The following ARMH3 variants were observed in gnomAD, a reference collection of about 807,000 sequenced individuals.
The protein encoded by ARMH3 is armadillo-like helical domain-containing protein 3.
ARMH3 carries 60 observed loss-of-function variants against 99.1 expected under a neutral mutation model. The observed-to-expected ratio is 0.61, with a 90% confidence interval of 0.49 to 0.75. ARMH3 has a LOEUF of 0.75. Among genes scored for constraint, ARMH3 ranks in the 30% least tolerant of loss-of-function variants. The pLI, the probability that ARMH3 is intolerant of heterozygous loss-of-function variation, is 0.00. For missense variants in ARMH3, 679 were observed against 843.1 expected (o/e 0.81, Z 2.41); for synonymous variants, 285 against 292.8 (o/e 0.97, Z 0.27).
chr10:101,860,709 C>G (rs2066846820), intron 24 of ARMH3, among the ~76,000 whole-genome samples: 1 of 152,126 alleles, frequency 6.6e-6, no homozygotes, highest in Non-Finnish European at 1.5e-5. Context: ...TCACAGAGGG[C>G]TGGGAGATGT....
At chr10:101,928,902 C>T (rs1280515803) in intron 23 of ARMH3, among the ~76,000 whole-genome samples, 3 of 151,914 alleles carry the variant, frequency 2.0e-5, no homozygotes, top group Admixed American at 1.3e-4. Flanking sequence ...GGCTAATTTT[C>T]GTATTTTTAG....
At chr10:101,912,249 C>T (rs1000060749) in intron 23 of ARMH3, among the ~76,000 whole-genome samples, 13 of 151,180 alleles carry the variant, frequency 8.6e-5, no homozygotes, top group African/African-American at 9.7e-5. Flanking sequence ...AAAAATTAGC[C>T]GGGTGTGGTG....
intron 20 of ARMH3, among the ~76,000 whole-genome samples, chr10:101,961,240 C>T (rs932004690): frequency 6.6e-6 from 1 of 152,158 alleles, no homozygotes; most frequent in Non-Finnish European, 1.5e-5. Flanking sequence ...CCTTGGCCTG[C>T]TCTCTGCTGT....
chr10:101,990,707 ACACT>A, intron 18 of ARMH3, 96 bp from the exon 19 acceptor site: 1 of 889,440 alleles, frequency 1.1e-6, no homozygotes, highest in Non-Finnish European at 1.9e-6. Context: ...CCTTGCACTC[ACACT>A]GAACGGCATC....
chr10:101,913,354 TCTCTCTC>T (rs1262184531), intron 23 of ARMH3: 2 of 118,322 alleles, frequency 1.7e-5, no homozygotes, highest in East Asian at 3.5e-4. Flanking sequence ...TCTCTCTCTC[TCTCTCTC>T]TTTTTTTTTT....
chr10:102,053,967 C>T (rs1273102556), intron 1 of ARMH3, among the ~76,000 whole-genome samples: 1 of 152,174 alleles, frequency 6.6e-6, no homozygotes, highest in African/African-American at 2.4e-5. Flanking sequence ...ACAGTTCACC[C>T]TTATATATCC....
At chr10:101,963,087 A>G (rs1210554188) in intron 20 of ARMH3, among the ~76,000 whole-genome samples, 1 of 149,312 alleles carries the variant, frequency 6.7e-6, no homozygotes, top group Non-Finnish European at 1.5e-5. Flanking sequence ...CTCCTGCCTT[A>G]GCCTCCCAAG....
intron 1 of ARMH3, among the ~76,000 whole-genome samples, chr10:102,046,704 G>A (rs1362739029): frequency 1.3e-5 from 2 of 152,108 alleles, no homozygotes; most frequent in African/African-American, 2.4e-5. Context: ...TGAGTGTAGG[G>A]ACTCAAACCC....
At chr10:101,917,498 G>A (rs554450529) in intron 23 of ARMH3, among the ~76,000 whole-genome samples, 20 of 152,180 alleles carry the variant, frequency 1.3e-4, no homozygotes, top group African/African-American at 1.9e-4. Flanking sequence ...CTGTTCCGCC[G>A]TTGAGAGACA....
chr10:101,946,071 CAAAAA>C (rs569179050), intron 22 of ARMH3, among the ~76,000 whole-genome samples: 42 of 34,450 alleles, frequency 1.2e-3, no homozygotes, highest in African/African-American at 8.2e-3. Flanking sequence ...GACTCTGCCT[CAAAAA>C]AAAAAAAAAA....
At chr10:101,871,291 T>TC (rs1470578161) in intron 24 of ARMH3, among the ~76,000 whole-genome samples, 1 of 152,194 alleles carries the variant, frequency 6.6e-6, no homozygotes, top group Admixed American at 6.5e-5. Flanking sequence ...GTTAATGCAA[T>TC]TCTAATCAAA....
intron 15 of ARMH3, among the ~76,000 whole-genome samples, chr10:102,000,964 A>T (rs574763392): frequency 1.3e-5 from 2 of 152,054 alleles, no homozygotes; most frequent in East Asian, 3.9e-4. Flanking sequence ...TTACAGGCAC[A>T]TGCCACCACG....
intron 1 of ARMH3, among the ~76,000 whole-genome samples, chr10:102,053,629 G>A (rs2067763938): frequency 6.6e-6 from 1 of 151,594 alleles, no homozygotes; most frequent in Admixed American, 6.6e-5. Context: ...ACTCTCCCAA[G>A]CAATGGCAGT....
chr10:101,857,594 T>C (rs1240248456), intron 24 of ARMH3, among the ~76,000 whole-genome samples: 2 of 152,180 alleles, frequency 1.3e-5, no homozygotes, highest in Non-Finnish European at 2.9e-5. Flanking sequence ...CCTGGAGAAA[T>C]AATATCACAA....
chr10:102,019,935 A>T (rs2066841720), intron 8 of ARMH3, among the ~76,000 whole-genome samples: 1 of 151,676 alleles, frequency 6.6e-6, no homozygotes, highest in African/African-American at 2.4e-5. Flanking sequence ...CTCAAAAAAA[A>T]AAAAAAAAGC....
chr10:101,934,199 C>A (rs1843848467), intron 23 of ARMH3, among the ~76,000 whole-genome samples: 1 of 152,196 alleles, frequency 6.6e-6, no homozygotes, highest in African/African-American at 2.4e-5. Context: ...TCAGCCTCCC[C>A]AGCAGTGTAC....
At chr10:101,899,393 T>A (rs2067919831) in intron 23 of ARMH3, among the ~76,000 whole-genome samples, 1 of 152,208 alleles carries the variant, frequency 6.6e-6, no homozygotes, top group African/African-American at 2.4e-5. Context: ...GGGGTAAAGG[T>A]ATGACTGAGT....
chr10:102,031,593 G>A (rs1427485139), intron 4 of ARMH3, among the ~76,000 whole-genome samples: 2 of 152,148 alleles, frequency 1.3e-5, no homozygotes, highest in African/African-American at 4.8e-5. Flanking sequence ...ATCTTTCTGG[G>A]ACATCAACTC....
intron 19 of ARMH3, among the ~76,000 whole-genome samples, chr10:101,976,727 A>C (rs1846029601): frequency 1.3e-5 from 2 of 152,148 alleles, no homozygotes; most frequent in African/African-American, 4.8e-5. Flanking sequence ...CTTACTTATA[A>C]ATAAAATCTA....
Sources: gnomAD v4.1 joint callset for allele counts (sites outside exome capture counted in the v4.1 genomes callset) on GRCh38, gnomAD v4.1.1 for gene constraint, MANE v1.5 for transcripts, NCBI Gene and HGNC (gene_info 2026-07-23, HGNC 2026-07-21) for gene names.